Variants in NEK10 observed in about 807,000 individuals in gnomAD.
NEK10 encodes NIMA related kinase 10.
In NEK10, 122 loss-of-function variants were observed where a neutral mutation model predicts 159.8. The observed-to-expected ratio is 0.76, with a 90% CI of 0.66 to 0.89. The LOEUF is 0.89. Ranked by LOEUF, NEK10 falls within the 40% of genes least tolerant of loss-of-function variation. NEK10 has a pLI of 0.00. For missense variants in NEK10, 1,342 were observed against 1,323.1 expected (o/e 1.01, Z -0.22); for synonymous variants, 466 against 457.1 (o/e 1.02, Z -0.25).
At chr3:27,235,552 C>A (rs2197435) in intron 23 of NEK10, among the ~76,000 whole-genome samples, 1 of 151,880 alleles carries the variant, frequency 6.6e-6, no homozygotes, top group Non-Finnish European at 1.5e-5. Context: ...AAATCAAAAC[C>A]CCAATGAGAT....
chr3:27,204,474 C>G (rs1267032936), intron 23 of NEK10, among the ~76,000 whole-genome samples: 2 of 99,118 alleles, frequency 2.0e-5, no homozygotes, highest in Non-Finnish European at 4.0e-5. Flanking sequence ...CCCACCCCAC[C>G]ACAGTCCCCA....
intron 14 of NEK10, among the ~76,000 whole-genome samples, chr3:27,296,429 A>T (rs1384182188): frequency 6.6e-6 from 1 of 152,186 alleles, no homozygotes; most frequent in Non-Finnish European, 1.5e-5. Flanking sequence ...GGCCAACTTC[A>T]GATGCCCTGT....
intron 30 of NEK10, chr3:27,162,335 A>G: frequency 6.9e-7 from 1 of 1,455,046 alleles, no homozygotes; most frequent in South Asian, 1.5e-5. Context: ...TGAACAAACA[A>G]GGCAGAATTC....
chr3:27,262,468 C>T (rs1322433433), intron 22 of NEK10, among the ~76,000 whole-genome samples: 1 of 152,196 alleles, frequency 6.6e-6, no homozygotes, highest in Non-Finnish European at 1.5e-5. Flanking sequence ...TTCAGATACA[C>T]CAATCAGACG....
At chr3:27,224,072 C>A (rs1374587497) in intron 23 of NEK10, among the ~76,000 whole-genome samples, 3 of 152,164 alleles carry the variant, frequency 2.0e-5, no homozygotes, top group Non-Finnish European at 2.9e-5. Flanking sequence ...TAAGGGTGGG[C>A]CCTAATCCAA....
At chr3:27,256,445 T>C in intron 22 of NEK10, 74 bp from the exon 23 acceptor site, 1 of 803,658 alleles carries the variant, frequency 1.2e-6, no homozygotes, top group Non-Finnish European at 1.9e-6. Flanking sequence ...CATTTGACAA[T>C]CTACACAATA....
At chr3:27,317,805 T>A (rs1218141216) in intron 6 of NEK10, among the ~76,000 whole-genome samples, 2 of 151,772 alleles carry the variant, frequency 1.3e-5, no homozygotes, top group African/African-American at 2.4e-5. Flanking sequence ...TTATTTATTA[T>A]TTATTTATTT....
chr3:27,252,746 A>T, intron 23 of NEK10: 1 of 362,886 alleles, frequency 2.8e-6, no homozygotes, highest in Non-Finnish European at 5.5e-6. Flanking sequence ...TATTCCAGGC[A>T]AAGGGAGCTG....
chr3:27,307,319 A>G (rs542461292), intron 11 of NEK10, among the ~76,000 whole-genome samples: 1 of 152,328 alleles, frequency 6.6e-6, no homozygotes, highest in African/African-American at 2.4e-5. Context: ...ATCAAATGAT[A>G]TAGATTGCAA....
chr3:27,208,169 G>A (rs1950684716), intron 23 of NEK10, among the ~76,000 whole-genome samples: 1 of 151,998 alleles, frequency 6.6e-6, no homozygotes, highest in Non-Finnish European at 1.5e-5. Context: ...TGGTACGATA[G>A]GAGTTAATGA....
chr3:27,115,615 GACAA>G (rs1940291757), intron 35 of NEK10, among the ~76,000 whole-genome samples: 1 of 152,122 alleles, frequency 6.6e-6, no homozygotes, highest in African/African-American at 2.4e-5. Context: ...TCTAGAATGA[GACAA>G]ACAAATATTT....
At chr3:27,197,383 C>T (rs985427173) in intron 25 of NEK10, among the ~76,000 whole-genome samples, 1 of 151,954 alleles carries the variant, frequency 6.6e-6, no homozygotes, top group African/African-American at 2.4e-5. Flanking sequence ...ACCATGTTGG[C>T]CAGGCTGGTC....
rs543925980 is a variant in NEK10 at position 27,112,219 on chromosome 3, A to T, written c.3300-899T>A. On this transcript the variant is annotated intron_variant, in intron 35 of 35. Coordinates refer to ENST00000691995, the MANE Select transcript of NEK10 (RefSeq NM_001394966.1). ...AATCTTCCTCAAAGATAGCTAACAG[A>T]TAGATAATGGCTTTATCCTGAGACT... 2.6e-5 allele frequency among the ~76,000 whole-genome samples: 4 copies of T among 152,342 alleles called. No individual in the cohort carries two copies. The South Asian group carries it at 8.3e-4, about 32-fold the overall frequency.
chr3:27,118,099 G>A (rs1197189374), intron 33 of NEK10, among the ~76,000 whole-genome samples: 1 of 152,066 alleles, frequency 6.6e-6, no homozygotes, highest in African/African-American at 2.4e-5. Context: ...GCTTGTTTTT[G>A]TCAGGTTTGT....
chr3:27,361,116 A>G (rs1208773274), intron 1 of NEK10, among the ~76,000 whole-genome samples: 1 of 152,174 alleles, frequency 6.6e-6, no homozygotes, highest in Non-Finnish European at 1.5e-5. Flanking sequence ...ATTAACTAGA[A>G]TATGTGACAA....
chr3:27,309,051 G>A (rs946629580), intron 9 of NEK10, 46 bp from the exon 10 acceptor site: 12 of 972,428 alleles, frequency 1.2e-5, no homozygotes, highest in Admixed American at 8.6e-5. Context: ...AGTACTACAA[G>A]CTTCTTTTTT....
chr3:27,331,262 A>AAAAAAAAAACAC lies in NEK10; in HGVS notation c.363-9002_363-9001insGTGTTTTTTTTT. On this transcript the variant is annotated intron_variant, in intron 5 of 35. Coordinates refer to ENST00000691995, the MANE Select transcript of NEK10 (RefSeq NM_001394966.1). The stretch of plus-strand genomic sequence containing the variant: ...CAAAAAAAAAAAAACAAAAAAAAAA[A>AAAAAAAAAACAC]ACACACAAACCTAAGACTTTTGAGG... Among the ~76,000 whole-genome samples, 608 of 109,972 alleles carry AAAAAAAAAACAC rather than the reference A, an allele frequency of 5.5e-3. 24 individuals carry two copies. Among genetic ancestry groups the AAAAAAAAAACAC allele is most frequent in the Non-Finnish European group, 9.3e-3 (474 of 50,940 alleles). The allele number at this position is 109,972 out of a possible 152,430, so 72.1% of individuals were successfully genotyped here.
rs751243727 is a variant in NEK10, at chr3:27,291,399, A to ATATTTTT, written c.1477-10_1477-9insAAAAATA. ...TGCTTCAGTTCATCCTCCTAATCAA[A>ATATTTTT]ATATAAAAAGGAAATGGGTTTCTGT... On this transcript the variant is annotated splice_polypyrimidine_tract_variant and intron_variant, in intron 17 of 35. Coordinates refer to ENST00000691995, the MANE Select transcript of NEK10 (RefSeq NM_001394966.1). The ATATTTTT allele has an allele frequency of 2.5e-6, 4 of 1,610,570 alleles. No homozygotes were observed. In the South Asian group the frequency reaches 4.4e-5, roughly 18 times the overall value.
intron 33 of NEK10, among the ~76,000 whole-genome samples, chr3:27,116,889 G>A (rs1220701012): frequency 6.6e-6 from 1 of 151,948 alleles, no homozygotes; most frequent in Admixed American, 6.6e-5. Flanking sequence ...TGTGTGCCAT[G>A]ATGGTTTGCT....
Sources: allele counts gnomAD v4.1 joint callset (sites outside exome capture counted in the v4.1 genomes callset), GRCh38; gene constraint gnomAD v4.1.1; transcripts MANE v1.5; gene names NCBI Gene and HGNC (gene_info 2026-07-23, HGNC 2026-07-21).